The following UROC1 variants were observed in gnomAD, a reference collection of about 807,000 sequenced individuals.
The protein encoded by UROC1 is urocanate hydratase.
In UROC1, 79 loss-of-function variants were observed where a neutral mutation model predicts 89.5. The observed-to-expected ratio is 0.88, with a 90% CI of 0.74 to 1.06. UROC1 has a LOEUF of 1.06. Ranked by LOEUF, UROC1 falls within the 50% of genes least tolerant of loss-of-function variation. UROC1 has a pLI of 0.00. For synonymous variants in UROC1, 361 were observed against 354.8 expected, an observed-to-expected ratio of 1.02 and a Z score of -0.20; for missense variants, 885 against 907.8, an observed-to-expected ratio of 0.97 and a Z score of 0.32.
chr3:126,489,582 A>T (rs1935598838), intron 16 of UROC1, among the ~76,000 whole-genome samples: 1 of 152,194 alleles, frequency 6.6e-6, no homozygotes, highest in South Asian at 2.1e-4. Flanking sequence ...TACATGTGTG[A>T]GCTCACCGAG....
intron 19 of UROC1, 43 bp from the exon 20 acceptor site, chr3:126,482,528 G>C: frequency 6.2e-7 from 1 of 1,613,344 alleles, no homozygotes; most frequent in Non-Finnish European, 8.5e-7. Flanking sequence ...AACATAACCG[G>C]GCTCCCCACG....
rs115626501 is a variant in UROC1 at position 126,498,082 on chromosome 3, T to A, written c.1407A>T (p.Thr469=). The A allele has an allele frequency of 6.2e-7, 1 of 1,614,114 alleles. No individual in the cohort carries two copies. The highest frequency in any genetic ancestry group is 1.7e-5 in the Admixed American group (1 of 60,024). ...QDLAVTDELA[T]SVLEEAIADG... is the part of the protein sequence containing the mutation. Reference sequence around the variant, plus strand: ...CAGCAATGGCTTCCTCCAGCACAGATGTGGCCAGTTCGTCTGTGACCGCCA... The same window carrying A: ...CAGCAATGGCTTCCTCCAGCACAGAAGTGGCCAGTTCGTCTGTGACCGCCA... Residue 469 remains threonine (T), a synonymous_variant, in exon 14 of 20, where the codon ACA becomes ACT. Coordinates refer to ENST00000290868, the MANE Select transcript of UROC1 (RefSeq NM_144639.3).
chr3:126,504,867 C>A (rs757921315), intron 8 of UROC1, among the ~76,000 whole-genome samples: 1 of 152,110 alleles, frequency 6.6e-6, no homozygotes, highest in African/African-American at 2.4e-5. Flanking sequence ...ATATATTTGT[C>A]CCCCAAACCT....
chr3:126,483,502 T>C (rs772023677), intron 18 of UROC1, 34 bp from the exon 19 acceptor site: 3 of 1,593,252 alleles, frequency 1.9e-6, no homozygotes. Context: ...AGTTCATTCC[T>C]GGGGCCCAAC....
chr3:126,498,400 G>A (rs1049048592), intron 13 of UROC1, among the ~76,000 whole-genome samples: 21 of 152,156 alleles, frequency 1.4e-4, no homozygotes, highest in Admixed American at 1.1e-3. Context: ...AGCTACAGGA[G>A]TGGGGAGCTG....
rs56301013 is a variant in UROC1, at chr3:126,513,135, GGTGT to G, written c.127-2345_127-2342del. 3.9e-3 allele frequency among the ~76,000 whole-genome samples: 575 copies of G among 147,858 alleles called. 2 individuals carry two copies. Among genetic ancestry groups the G allele is most frequent in the African/African-American group, 0.012 (488 of 40,200 alleles). ...CAACGTTGTTCAGCCCACAGAGCAG[GGTGT>G]GTGTGTGTGTGTGTGTGTGTGTGTG... On this transcript the variant is annotated intron_variant, in intron 1 of 19. Transcript: ENST00000290868.
At chr3:126,482,970 C>G (rs1935422805) in intron 19 of UROC1, among the ~76,000 whole-genome samples, 1 of 152,150 alleles carries the variant, frequency 6.6e-6, no homozygotes, top group Non-Finnish European at 1.5e-5. Flanking sequence ...TCTCCTAGAA[C>G]AAAACCTCTT....
intron 15 of UROC1, among the ~76,000 whole-genome samples, 174 bp from the exon 16 acceptor site, chr3:126,492,690 C>T (rs536173292): frequency 5.1e-4 from 77 of 152,282 alleles, no homozygotes; most frequent in African/African-American, 1.8e-3. Context: ...AAATCTGTGG[C>T]CTGAGGTGAG....
Position 126,489,337 on chromosome 3 carries a change from G to A in UROC1, c.1647C>T (p.Ser549=), listed in dbSNP as rs144188509. 21 of 1,613,270 alleles carry A rather than the reference G, an allele frequency of 1.3e-5. No homozygotes were observed. The highest frequency in any genetic ancestry group is 4.5e-5 in the East Asian group (2 of 44,886). The change falls in exon 17 of 20, where the codon AGC becomes AGT. Residue 549 remains serine, a synonymous_variant. Coordinates refer to ENST00000290868, the MANE Select transcript of UROC1 (RefSeq NM_144639.3). ...TCTCCCTAAAGGGGCTGTCGGTGCC[G>A]CTCACGTCATGGTGATCTCGGCTCA... is the stretch of plus-strand genomic sequence containing the variant. ...VVLSRDHHDV[S]GTDSPFRETS... is the part of the protein sequence containing the mutation.
At chr3:126,488,531 C>T (rs1213353151) in intron 17 of UROC1, among the ~76,000 whole-genome samples, 1 of 152,252 alleles carries the variant, frequency 6.6e-6, no homozygotes, top group East Asian at 1.9e-4. Context: ...AGCTAAAGCA[C>T]TCCGGAAGCA....
chr3:126,489,633 A>G (rs1244190847), intron 16 of UROC1, among the ~76,000 whole-genome samples: 1 of 152,206 alleles, frequency 6.6e-6, no homozygotes, highest in East Asian at 1.9e-4. Context: ...AACCATTATC[A>G]TGCCCACTTC....
chr3:126,510,839 C>T, intron 1 of UROC1, 45 bp from the exon 2 acceptor site: 5 of 1,602,642 alleles, frequency 3.1e-6, no homozygotes, highest in Non-Finnish European at 4.2e-6. Context: ...GGACTCCAGG[C>T]CCGGTGTTCT....
At chr3:126,501,731 A>T in intron 9 of UROC1, 1 of 1,537,264 alleles carries the variant, frequency 6.5e-7, no homozygotes, top group Non-Finnish European at 8.8e-7. Flanking sequence ...CAGGTAGTAG[A>T]GATATCAAAA....
At chr3:126,496,138 G>C (rs761313900) in intron 14 of UROC1, 30 bp from the exon 15 acceptor site, 14 of 1,605,728 alleles carry the variant, frequency 8.7e-6, no homozygotes, top group African/African-American at 1.3e-5. Flanking sequence ...AGGCGTCAGA[G>C]ACCCTCCAGG....
intron 15 of UROC1, 122 bp downstream of exon 15, chr3:126,495,916 C>G: frequency 1.1e-6 from 1 of 940,328 alleles, no homozygotes; most frequent in Non-Finnish European, 1.7e-6. Flanking sequence ...TGTGTGCACC[C>G]TCTCAGGGCT....
At chr3:126,490,657 T>G (rs1576713011) in intron 16 of UROC1, among the ~76,000 whole-genome samples, 1 of 147,270 alleles carries the variant, frequency 6.8e-6, no homozygotes, top group African/African-American at 2.5e-5. Flanking sequence ...GGCTATGGAG[T>G]GAGTCTTTCT....
intron 1 of UROC1, among the ~76,000 whole-genome samples, chr3:126,515,130 A>G (rs993674600): frequency 6.6e-6 from 1 of 151,924 alleles, no homozygotes; most frequent in African/African-American, 2.4e-5. Flanking sequence ...CCTTCTCCCA[A>G]CACAAGACAC....
At chr3:126,503,701 G>A (rs1275981964) in intron 9 of UROC1, among the ~76,000 whole-genome samples, 1 of 152,280 alleles carries the variant, frequency 6.6e-6, no homozygotes, top group Non-Finnish European at 1.5e-5. Flanking sequence ...AGCCCATCAA[G>A]GCCAAGTGTC....
intron 11 of UROC1, 118 bp downstream of exon 11, chr3:126,500,577 G>C (rs553823079): frequency 7.9e-7 from 1 of 1,259,420 alleles, no homozygotes; most frequent in Non-Finnish European, 1.2e-6. Context: ...GCTCAGAGAG[G>C]TTAAGGTCTT....
Sources: gnomAD v4.1 joint callset for allele counts (sites outside exome capture counted in the v4.1 genomes callset) on GRCh38, gnomAD v4.1.1 for gene constraint, MANE v1.5 for transcripts, NCBI Gene and HGNC (gene_info 2026-07-23, HGNC 2026-07-21) for gene names.